OCIAD2: variants seen among roughly 807,000 people sequenced by gnomAD.
The protein encoded by OCIAD2 is OCIA domain-containing protein 2.
A neutral mutation model predicts 22.9 loss-of-function variants in OCIAD2; 29 were observed. That is an observed-to-expected ratio of 1.27 (90% CI 0.94 to 1.73). The LOEUF is 1.73. Ranked by LOEUF, OCIAD2 falls within the 40% of genes most tolerant of loss-of-function variation. The probability of loss-of-function intolerance (pLI) is 0.00; values close to 1 mark genes in which losing one functional copy is unlikely to be tolerated. For synonymous variants in OCIAD2, 67 were observed against 60.2 expected, an observed-to-expected ratio of 1.11 and a Z score of -0.52; for missense variants, 189 against 180.3, an observed-to-expected ratio of 1.05 and a Z score of -0.28.
Position 48,894,030 on chromosome 4 carries a change from A to C in OCIAD2, c.241T>G (p.Phe81Val), listed in dbSNP as rs775846893. ...CGTGCAACTTTGGGCAATGATCCAA[A>C]TCTAGAATTAGCTGCCAAATAACCT... is the stretch of plus-strand genomic sequence containing the variant. Reference protein sequence around the residue: ...YQGYLAANSRFGSLPKVALAG... With the variant: ...YQGYLAANSRVGSLPKVALAG... The change falls in exon 5 of 7, where the codon TTT becomes GTT. Residue 81 changes from phenylalanine to valine, a missense_variant. Physicochemically the swap from Phe to Val is conservative, Grantham distance 50. Transcript: ENST00000508632. The C allele has an allele frequency of 9.3e-6, 14 of 1,509,286 alleles. No homozygotes were observed. The Admixed American group carries it at 2.5e-4, about 27-fold the overall frequency. The allele number at this position is 1,509,286 out of a possible 1,614,324, so 93.5% of individuals were successfully genotyped here.
At chr4:48,902,620 T>C (rs1781440042) in intron 2 of OCIAD2, among the ~76,000 whole-genome samples, 1 of 152,128 alleles carries the variant, frequency 6.6e-6, no homozygotes, top group African/African-American at 2.4e-5. Flanking sequence ...GGGGCAGAAA[T>C]AAGGACTGCC....
In OCIAD2 at chr4:48,904,501, GA is replaced by G; in HGVS notation, c.48del (p.Pro17HisfsTer45). 1 of 1,614,040 alleles carries G rather than the reference GA, an allele frequency of 6.2e-7. No homozygotes were observed. On this transcript the variant is annotated frameshift_variant, in exon 2 of 7. Transcript: ENST00000508632. LOFTEE classifies it high-confidence loss of function. Reference protein sequence around the residue: ...ARGNQDKDAHFPPPSKQSLLF... With the variant: ...ARGNQDKDAHXPPPSKQSLLF... Reference sequence around the variant, plus strand: ...AAGTATACCTGCTTGCTTGGTGGTGGAAAATGGGCATCTTTATCTTGGTTTC... The same window carrying G: ...AAGTATACCTGCTTGCTTGGTGGTGGAAATGGGCATCTTTATCTTGGTTTC...
chr4:48,903,913 GGGATTACA>G (rs1462400916), intron 2 of OCIAD2, among the ~76,000 whole-genome samples: 2 of 151,812 alleles, frequency 1.3e-5, no homozygotes, highest in African/African-American at 4.8e-5. Context: ...CCAAAGTGCT[GGGATTACA>G]GGCGTGAGCC....
chr4:48,903,732 G>T (rs199653198), intron 2 of OCIAD2, among the ~76,000 whole-genome samples: 1 of 142,606 alleles, frequency 7.0e-6, no homozygotes, highest in African/African-American at 2.6e-5. Flanking sequence ...TGCAAGCTCC[G>T]CCTCCTGGGT....
At position 48,892,890 on chromosome 4, in the gene OCIAD2, C is replaced by T; in HGVS notation, c.266-1G>A. ...AGGCCAAATCCCAAGAGACCAGCAACTGTAAAAGCAGGTTGGGAGAGATTA... is the reference window on the plus strand; with the variant it reads ...AGGCCAAATCCCAAGAGACCAGCAATTGTAAAAGCAGGTTGGGAGAGATTA... On this transcript the variant is annotated splice_acceptor_variant, in intron 5 of 6. Coordinates refer to ENST00000508632, the MANE Select transcript of OCIAD2 (RefSeq NM_001014446.3). LOFTEE classifies it high-confidence loss of function. The T allele has an allele frequency of 6.5e-7, 1 of 1,531,112 alleles. No homozygotes were observed. Among genetic ancestry groups the T allele is most frequent in the Non-Finnish European group, 9.0e-7 (1 of 1,110,782 alleles). 94.8% of individuals were successfully genotyped at this position (1,531,112 alleles called of 1,614,324 possible).
Position 48,892,787 on chromosome 4 carries a change from C to A in OCIAD2, c.368G>T (p.Gly123Val), listed in dbSNP as rs1781204940. Residue 123 changes from glycine to valine, a missense_variant, in exon 6 of 7, where the codon GGT becomes GTT. Physicochemically the swap from Gly to Val is moderately radical, Grantham distance 109. Transcript: ENST00000508632. ...GATTACAAACCTGTTATGCTGTGGA[C>A]CAAAACCAGCCCCACGGAGCTGATC... Reference protein sequence around the residue: ...FEDQLRGAGFGPQHNRHCLLT... With the variant: ...FEDQLRGAGFVPQHNRHCLLT... 15 of 1,595,144 alleles carry A rather than the reference C, an allele frequency of 9.4e-6. No individual in the cohort carries two copies. The highest frequency in any genetic ancestry group is 1.3e-5 in the African/African-American group (1 of 74,534).
At chr4:48,898,216 G>A (rs1300872093) in intron 3 of OCIAD2, among the ~76,000 whole-genome samples, 3 of 152,130 alleles carry the variant, frequency 2.0e-5, no homozygotes, top group South Asian at 2.1e-4. Context: ...CTTTAGCTAT[G>A]TGTATATTTT....
rs1780948687 is a variant in OCIAD2 at position 48,885,285 on chromosome 4, T to C, written c.*199A>G. On this transcript the variant is annotated 3_prime_UTR_variant, in exon 7 of 7. Coordinates refer to ENST00000508632, the MANE Select transcript of OCIAD2 (RefSeq NM_001014446.3). ...ATTACAGGCATGAGCCACTGCGCCA[T>C]GCCCCGACATGTTCTTAAAGAGCAG... 1.8e-5 allele frequency: 10 copies of C among 542,406 alleles called. No individual in the cohort carries two copies. The highest frequency in any genetic ancestry group is 3.4e-5 in the Admixed American group (1 of 29,370). The allele number at this position is 542,406 out of a possible 1,614,324, so 33.6% of individuals were successfully genotyped here.
intron 2 of OCIAD2, 149 bp from the exon 3 acceptor site, chr4:48,900,074 A>G (rs762073071): frequency 5.4e-6 from 3 of 551,612 alleles, no homozygotes; most frequent in Non-Finnish European, 9.7e-6. Flanking sequence ...TCAGTTTCCA[A>G]GAGTGCTTTC....
intron 2 of OCIAD2, 23 bp downstream of exon 2, chr4:48,904,461 G>A (rs375634502): frequency 4.2e-5 from 68 of 1,604,292 alleles, no homozygotes; most frequent in African/African-American, 4.1e-4. Flanking sequence ...TCAATGAATC[G>A]ATCAATAAAT....
rs1285091981 is a variant in OCIAD2 at position 48,901,586 on chromosome 4, G to A, written c.67-1661C>T. On this transcript the variant is annotated intron_variant, in intron 2 of 6. Transcript: ENST00000508632. The stretch of plus-strand genomic sequence containing the variant: ...TTTGTACTTCTTTGATAACGAATGT[G>A]TTTGACTATCTCTACATATTTTTCA... 2.6e-5 allele frequency among the ~76,000 whole-genome samples: 4 copies of A among 152,250 alleles called. No individual in the cohort carries two copies. In the East Asian group the frequency reaches 5.8e-4, roughly 22 times the overall value.
rs539499329 is a variant in OCIAD2 at position 48,887,276 on chromosome 4, A to T, written c.384-1711T>A. On this transcript the variant is annotated intron_variant, in intron 6 of 6. Coordinates refer to ENST00000508632, the MANE Select transcript of OCIAD2 (RefSeq NM_001014446.3). ...GAGTAGGTTGCAAAAATTTTCTCCCATTCTGTAGGCTGCCTGTTCACTCTG... is the reference window on the plus strand; with the variant it reads ...GAGTAGGTTGCAAAAATTTTCTCCCTTTCTGTAGGCTGCCTGTTCACTCTG... Among the ~76,000 whole-genome samples the T allele has an allele frequency of 1.0e-3, 158 of 151,630 alleles. No homozygotes were observed. In the Middle Eastern group the frequency reaches 0.014, roughly 13 times the overall value.
intron 4 of OCIAD2, among the ~76,000 whole-genome samples, chr4:48,895,392 A>C (rs1285616222): frequency 1.3e-5 from 2 of 152,210 alleles, no homozygotes; most frequent in African/African-American, 4.8e-5. Flanking sequence ...ACGCTGGATA[A>C]TTTATAAAGA....
rs75015748 is a variant in OCIAD2 at position 48,891,746 on chromosome 4, T to C, written c.383+1026A>G. On this transcript the variant is annotated intron_variant, in intron 6 of 6. Transcript: ENST00000508632. ...GCAAGCTGACTCTAAAACACAACTT[T>C]GCAAGGATGGACTGAAGTTGGTGTT... 8.1e-3 allele frequency among the ~76,000 whole-genome samples: 1,237 copies of C among 152,340 alleles called. 18 individuals carry two copies. Among genetic ancestry groups the C allele is most frequent in the African/African-American group, 0.029 (1,190 of 41,568 alleles).
Position 48,902,846 on chromosome 4 carries a change from G to A in OCIAD2, c.66+1638C>T, listed in dbSNP as rs7695125. ...CAGGTGCCTATAATCCCAGCTACTCGGGAGGCTGAGGTAGGAGAATTGCTT... is the reference window on the plus strand; with the variant it reads ...CAGGTGCCTATAATCCCAGCTACTCAGGAGGCTGAGGTAGGAGAATTGCTT... On this transcript the variant is annotated intron_variant, in intron 2 of 6. Transcript: ENST00000508632. 3.1e-3 allele frequency among the ~76,000 whole-genome samples: 474 copies of A among 152,146 alleles called. 1 individual carries two copies. Among genetic ancestry groups the A allele is most frequent in the African/African-American group, 0.011 (441 of 41,506 alleles).
chr4:48,899,789 G>A, intron 3 of OCIAD2, 40 bp downstream of exon 3: 1 of 1,361,774 alleles, frequency 7.3e-7, no homozygotes, highest in Non-Finnish European at 1.0e-6. Flanking sequence ...ATGATATTTA[G>A]GCAGTTTACT....
In OCIAD2 at chr4:48,900,863, G is replaced by A. The variant is rs75667151; in HGVS notation, c.67-938C>T. Among the ~76,000 whole-genome samples, 476 of 152,118 alleles carry A rather than the reference G, an allele frequency of 3.1e-3. 1 individual carries two copies. The highest frequency in any genetic ancestry group is 0.011 in the African/African-American group (446 of 41,492). On this transcript the variant is annotated intron_variant, in intron 2 of 6. Transcript: ENST00000508632. ...CCCTCATCGGCCTTCCAAAGTGCTA[G>A]GATTACAGGCGTAAGTCACTGATCC...
chr4:48,898,700 A>G (rs772183649), intron 3 of OCIAD2, among the ~76,000 whole-genome samples: 8 of 152,114 alleles, frequency 5.3e-5, no homozygotes, highest in Admixed American at 1.3e-4. Flanking sequence ...TTTGCTGAAA[A>G]TCCAAATTAA....
At chr4:48,892,566 A>G in intron 6 of OCIAD2, among the ~76,000 whole-genome samples, 1 of 152,236 alleles carries the variant, frequency 6.6e-6, no homozygotes, top group Non-Finnish European at 1.5e-5. Flanking sequence ...TTCCCATTAA[A>G]TATTTATCAA....
Sources: allele counts gnomAD v4.1 joint callset (sites outside exome capture counted in the v4.1 genomes callset), GRCh38; gene constraint gnomAD v4.1.1; transcripts MANE v1.5; gene names NCBI Gene and HGNC (gene_info 2026-07-23, HGNC 2026-07-21).